The following DCSTAMP variants were observed in gnomAD, a reference collection of about 807,000 sequenced individuals.
The protein encoded by DCSTAMP is dendrocyte expressed seven transmembrane protein.
Under a neutral mutation model 33.8 loss-of-function variants are expected in DCSTAMP, and 25 were observed. That is an observed-to-expected ratio of 0.74 (90% CI 0.54 to 1.03). The LOEUF is 1.03. DCSTAMP is among the 50% of genes least tolerant of loss of function. DCSTAMP has a pLI of 0.00. For missense variants in DCSTAMP, 531 were observed against 556.8 expected (o/e 0.95, Z 0.47); for synonymous variants, 245 against 216.7 (o/e 1.13, Z -1.15).
chr8:104,344,198 C>T (rs887834015), intron 1 of DCSTAMP, among the ~76,000 whole-genome samples: 3 of 151,968 alleles, frequency 2.0e-5, no homozygotes, highest in Non-Finnish European at 2.9e-5. Flanking sequence ...ATAATCTGGA[C>T]TTGTGCTATC....
At position 104,348,752 on chromosome 8, in the gene DCSTAMP, T is replaced by C. The variant is rs1167166012; in HGVS notation, c.200T>C (p.Ile67Thr). 1.2e-6 allele frequency: 2 copies of C among 1,614,100 alleles called. No individual in the cohort carries two copies. Among genetic ancestry groups the C allele is most frequent in the African/African-American group, 2.7e-5 (2 of 74,940 alleles). The stretch of plus-strand genomic sequence containing the variant: ...ATAGCGGCCGCTGCCTCCTGGATTA[T>C]CACGTGTGTTCTGCTGTGTTGCTCC... ...SIIAAAASWI[I>T]TCVLLCCSKH... Residue 67 changes from isoleucine (I) to threonine (T), a missense_variant, in exon 2 of 4, where the codon ATC becomes ACC. Coordinates refer to ENST00000297581, the MANE Select transcript of DCSTAMP (RefSeq NM_030788.4).
intron 1 of DCSTAMP, chr8:104,340,459 A>T (rs1298336414): frequency 1.3e-5 from 2 of 152,254 alleles, no homozygotes; most frequent in Non-Finnish European, 2.9e-5. Context: ...GCAAGAGCTT[A>T]TACAAAAAAG....
intron 1 of DCSTAMP, among the ~76,000 whole-genome samples, chr8:104,341,713 C>T (rs777037181): frequency 6.6e-6 from 1 of 152,184 alleles, no homozygotes; most frequent in African/African-American, 2.4e-5. Flanking sequence ...CATCCCTAAC[C>T]CTGTTCTGCT....
intron 2 of DCSTAMP, among the ~76,000 whole-genome samples, chr8:104,352,016 A>G (rs1348106589): frequency 1.3e-5 from 2 of 152,194 alleles, no homozygotes; most frequent in Non-Finnish European, 2.9e-5. Context: ...GGTATCCAGT[A>G]GCTGTTTCCA....
At chr8:104,345,729 A>T (rs1476067692) in intron 1 of DCSTAMP, among the ~76,000 whole-genome samples, 5 of 152,256 alleles carry the variant, frequency 3.3e-5, no homozygotes. Flanking sequence ...TACATTATTA[A>T]TTTTTTAGGA....
chr8:104,349,954 C>T (rs1398758226), intron 2 of DCSTAMP, among the ~76,000 whole-genome samples: 2 of 152,158 alleles, frequency 1.3e-5, no homozygotes, highest in Admixed American at 6.5e-5. Flanking sequence ...TGGCCGATGG[C>T]ATCCCTTTGC....
Position 104,355,318 on chromosome 8 carries a change from T to C in DCSTAMP, c.1338+133T>C, listed in dbSNP as rs976381880. On this transcript the variant is annotated intron_variant, in intron 3 of 3. Coordinates refer to ENST00000297581, the MANE Select transcript of DCSTAMP (RefSeq NM_030788.4). Reference sequence around the variant, plus strand: ...TTGTACCCCAGCAGTAGATAGGACATTGAGGAAAAATGAACAAACGTACGT... The same window carrying C: ...TTGTACCCCAGCAGTAGATAGGACACTGAGGAAAAATGAACAAACGTACGT... The C allele has an allele frequency of 3.9e-5, 35 of 907,616 alleles. No individual in the cohort carries two copies. In the Admixed American group the frequency reaches 9.2e-4, roughly 24 times the overall value. 56.2% of individuals were successfully genotyped at this position (907,616 alleles called of 1,614,324 possible).
chr8:104,343,163 C>T (rs559590515), intron 1 of DCSTAMP, among the ~76,000 whole-genome samples: 11 of 152,328 alleles, frequency 7.2e-5, no homozygotes, highest in East Asian at 5.8e-4. Context: ...GTTGTCCATT[C>T]TGACCCCTCA....
intron 1 of DCSTAMP, 33 bp from the exon 2 acceptor site, chr8:104,348,508 A>G (rs1810373498): frequency 6.3e-7 from 1 of 1,575,848 alleles, no homozygotes; most frequent in Admixed American, 1.8e-5. Flanking sequence ...ATTCAAAAGT[A>G]ATTTCTGACC....
chr8:104,340,594 G>A (rs1026107810), intron 1 of DCSTAMP, among the ~76,000 whole-genome samples: 11 of 152,316 alleles, frequency 7.2e-5, no homozygotes, highest in African/African-American at 2.4e-4. Context: ...AACCAGCTCC[G>A]CTGCTCACTG....
Position 104,352,277 on chromosome 8 carries a change from T to A in DCSTAMP, c.1030-2600T>A, listed in dbSNP as rs529060177. On this transcript the variant is annotated intron_variant, in intron 2 of 3. Transcript: ENST00000297581. Reference sequence around the variant, plus strand: ...CTAAGCCTGGGCTGCTTCTCAGAGTTGATTATTCTGAGCTCTCTGAGTCCC... The same window carrying A: ...CTAAGCCTGGGCTGCTTCTCAGAGTAGATTATTCTGAGCTCTCTGAGTCCC... 2.6e-5 allele frequency among the ~76,000 whole-genome samples: 4 copies of A among 152,338 alleles called. No homozygotes were observed. In the South Asian group the frequency reaches 8.3e-4, roughly 32 times the overall value.
At chr8:104,354,854 A>G (rs748870385) in intron 2 of DCSTAMP, 23 bp from the exon 3 acceptor site, 1 of 1,503,514 alleles carries the variant, frequency 6.7e-7, no homozygotes, top group Non-Finnish European at 9.1e-7. Context: ...ATGCATCATG[A>G]TTATTTTATT....
At chr8:104,341,996 T>C (rs1015058905) in intron 1 of DCSTAMP, among the ~76,000 whole-genome samples, 4 of 151,838 alleles carry the variant, frequency 2.6e-5, no homozygotes, top group African/African-American at 9.7e-5. Flanking sequence ...TAAAGAGAAA[T>C]TACAGGTTAA....
At chr8:104,351,618 G>T (rs954671310) in intron 2 of DCSTAMP, among the ~76,000 whole-genome samples, 1 of 152,184 alleles carries the variant, frequency 6.6e-6, no homozygotes, top group African/African-American at 2.4e-5. Context: ...TAATTATGGA[G>T]TGGGTTATTC....
rs762153102 is a variant in DCSTAMP, at chr8:104,348,712, T to C, written c.160T>C (p.Phe54Leu). 3.7e-6 allele frequency: 6 copies of C among 1,614,178 alleles called. No homozygotes were observed. Among genetic ancestry groups the C allele is most frequent in the Non-Finnish European group, 4.2e-6 (5 of 1,180,022 alleles). The change falls in exon 2 of 4, where the codon TTT becomes CTT. Residue 54 changes from phenylalanine (F) to leucine (L), a missense_variant. By Grantham distance (22) the Phe-to-Leu change is conservative. Coordinates refer to ENST00000297581, the MANE Select transcript of DCSTAMP (RefSeq NM_030788.4). ...VGLLSVAACWFLPSIIAAAAS... is the reference protein window; with the variant it reads ...VGLLSVAACWLLPSIIAAAAS... ...CCTCCTGTCTGTGGCCGCCTGCTGG[T>C]TTCTGCCATCAATCATAGCGGCCGC... is the stretch of plus-strand genomic sequence containing the variant.
chr8:104,351,311 T>C (rs1248024566), intron 2 of DCSTAMP, among the ~76,000 whole-genome samples: 1 of 152,246 alleles, frequency 6.6e-6, no homozygotes. Flanking sequence ...TATGCACATG[T>C]ATGGGTGTGT....
Position 104,348,975 on chromosome 8 carries a change from G to GA in DCSTAMP, c.429dup (p.Tyr144IlefsTer3), listed in dbSNP as rs1810389195. On this transcript the variant is annotated frameshift_variant, in exon 2 of 4. Coordinates refer to ENST00000297581, the MANE Select transcript of DCSTAMP (RefSeq NM_030788.4). LOFTEE classifies it high-confidence loss of function. Reference sequence around the variant, plus strand: ...GCTTTTCCATACATTTTCCACTTTTGAAAAAATATATTGAGGCAATTCAGT... The same window carrying GA: ...GCTTTTCCATACATTTTCCACTTTTGAAAAAAATATATTGAGGCAATTCAGT... 6.2e-7 allele frequency: 1 copy of GA among 1,614,124 alleles called. No individual in the cohort carries two copies. The highest frequency in any genetic ancestry group is 1.3e-5 in the African/African-American group (1 of 75,024).
chr8:104,341,283 G>A (rs2099382794), intron 1 of DCSTAMP, among the ~76,000 whole-genome samples: 1 of 152,210 alleles, frequency 6.6e-6, no homozygotes, highest in Non-Finnish European at 1.5e-5. Flanking sequence ...ATTATTTCAT[G>A]GCTCCATTTT....
rs146710492 is a variant in DCSTAMP, at chr8:104,349,406, C to G, written c.854C>G (p.Pro285Arg). 2.5e-6 allele frequency: 4 copies of G among 1,614,116 alleles called. No individual in the cohort carries two copies. Among genetic ancestry groups the G allele is most frequent in the Non-Finnish European group, 3.4e-6 (4 of 1,180,028 alleles). ...TATGTCATCATCCCGACTTTCTGGC[C>G]GACTCCTAAAGAAAGGAAAAACCTG... ...RKYVIIPTFWPTPKERKNLGL... is the reference protein window; with the variant it reads ...RKYVIIPTFWRTPKERKNLGL... The change falls in exon 2 of 4, where the codon CCG (proline) becomes CGG (arginine). Residue 285 changes from proline (P) to arginine (R), a missense_variant. Physicochemically the swap from Pro to Arg is moderately radical, Grantham distance 103. Transcript: ENST00000297581.
Sources: allele counts gnomAD v4.1 joint callset (sites outside exome capture counted in the v4.1 genomes callset), GRCh38; gene constraint gnomAD v4.1.1; transcripts MANE v1.5; gene names NCBI Gene and HGNC (gene_info 2026-07-23, HGNC 2026-07-21).